Variants in PKMYT1 observed in about 807,000 individuals in gnomAD.
PKMYT1 encodes membrane-associated tyrosine- and threonine-specific cdc2-inhibitory kinase.
Under a neutral mutation model 49.7 loss-of-function variants are expected in PKMYT1, and 35 were observed. The ratio of observed to expected loss-of-function variants is 0.70; its 90% CI spans 0.54 to 0.93. The LOEUF is 0.93. Ranked by LOEUF, PKMYT1 falls within the 40% of genes least tolerant of loss-of-function variation. The pLI is 0.00. For synonymous variants in PKMYT1, 331 were observed against 287.6 expected, an observed-to-expected ratio of 1.15 and a Z score of -1.53; for missense variants, 677 against 673.1, an observed-to-expected ratio of 1.01 and a Z score of -0.06.
rs1347135993 is a variant in PKMYT1, at chr16:2,975,840, C to G, written c.379-28G>C. ...GGAAGGGAGGTGGTACCCACGCACA[C>G]AGTGAGGGTGAGCCACAAGTGGCAC... On this transcript the variant is annotated intron_variant, in intron 3 of 8. Coordinates refer to ENST00000262300, the MANE Select transcript of PKMYT1 (RefSeq NM_004203.5). The G allele has an allele frequency of 3.2e-6, 5 of 1,560,932 alleles. No individual in the cohort carries two copies. The East Asian group carries it at 1.1e-4, about 35-fold the overall frequency.
rs1645557617 is a variant in PKMYT1, at chr16:2,972,884, C to T, written c.*69G>A. 1 of 1,543,464 alleles carries T rather than the reference C, an allele frequency of 6.5e-7. No homozygotes were observed. The highest frequency in any genetic ancestry group is 1.4e-5 in the African/African-American group (1 of 73,784). On this transcript the variant is annotated 3_prime_UTR_variant, in exon 9 of 9. Coordinates refer to ENST00000262300, the MANE Select transcript of PKMYT1 (RefSeq NM_004203.5). ...AAGACCATGGGAGTTCCCGAGGGGC[C>T]CCAGCTTTCAAGGGCGACGGGAGAG...
At position 2,973,027 on chromosome 16, in the gene PKMYT1, G is replaced by A; in HGVS notation, c.1426C>T (p.Pro476Ser). The A allele has an allele frequency of 6.2e-7, 1 of 1,609,602 alleles. No homozygotes were observed. The highest frequency in any genetic ancestry group is 8.5e-7 in the Non-Finnish European group (1 of 1,178,894). Residue 476 changes from proline to serine, a missense_variant, in exon 9 of 9, where the codon CCT (proline) becomes TCT (serine). Physicochemically the swap from Pro to Ser is moderately conservative, Grantham distance 74. Transcript: ENST00000262300. The stretch of plus-strand genomic sequence containing the variant: ...TCAAAGGAGGGGAAGGAGCCCCGAG[G>A]AGGCTCTGAGTTGATGTCACTTAGG... ...LDLSDINSEP[P>S]RGSFPSFEPR...
chr16:2,975,967 C>G (rs1391790976), intron 3 of PKMYT1, 155 bp from the exon 4 acceptor site: 1 of 783,750 alleles, frequency 1.3e-6, no homozygotes, highest in East Asian at 2.7e-5. Flanking sequence ...AGGGTAATAA[C>G]AAAACCAGAC....
At chr16:2,980,088 G>A (rs1438751146) in intron 1 of PKMYT1, 176 bp from the exon 2 acceptor site, 2 of 205,570 alleles carry the variant, frequency 9.7e-6, no homozygotes, top group South Asian at 1.4e-4. Flanking sequence ...GGGCGGGACC[G>A]CCGCTGGGAA....
rs1189101520 is a variant in PKMYT1 at position 2,979,795 on chromosome 16, C to T, written c.-138G>A. On this transcript the variant is annotated 5_prime_UTR_variant, in exon 2 of 9. Transcript: ENST00000262300. Reference sequence around the variant, plus strand: ...CTTCCGGGGCCCTGGGCGATCGGGCCGTCTCGCCTCACCCTCTCACCAGGC... The same window carrying T: ...CTTCCGGGGCCCTGGGCGATCGGGCTGTCTCGCCTCACCCTCTCACCAGGC... 4.6e-5 allele frequency: 44 copies of T among 956,636 alleles called. No individual in the cohort carries two copies. The highest frequency in any genetic ancestry group is 1.6e-4 in the Admixed American group (8 of 49,882). 59.3% of individuals were successfully genotyped at this position (956,636 alleles called of 1,614,324 possible). A position where few individuals can be genotyped will look rare whatever the true frequency, so the allele number is the denominator to read the frequency against.
Position 2,976,796 on chromosome 16 carries a change from C to A in PKMYT1, c.246G>T (p.Val82=), listed in dbSNP as rs1267623520. The change falls in exon 3 of 9, where the codon GTG becomes GTT. Residue 82 remains valine, a synonymous_variant. Coordinates refer to ENST00000262300, the MANE Select transcript of PKMYT1 (RefSeq NM_004203.5). ...TCTCTGAGGCCTCGCCCCGGAATGACACCCGCCGGGGCTGCAGCTGGTGCC... is the reference window on the plus strand; with the variant it reads ...TCTCTGAGGCCTCGCCCCGGAATGAAACCCGCCGGGGCTGCAGCTGGTGCC... ...PGWHQLQPRR[V]SFRGEASETL... 6.3e-7 allele frequency: 1 copy of A among 1,575,164 alleles called. No individual in the cohort carries two copies. Among genetic ancestry groups the A allele is most frequent in the South Asian group, 1.1e-5 (1 of 87,000 alleles).
rs376340331 is a variant in PKMYT1 at position 2,974,309 on chromosome 16, C to G, written c.1088G>C (p.Arg363Pro). 1 of 1,594,860 alleles carries G rather than the reference C, an allele frequency of 6.3e-7. No individual in the cohort carries two copies. The highest frequency in any genetic ancestry group is 1.1e-5 in the South Asian group (1 of 88,616). ...CATGCACCACAGCACACCCCAGGCC[C>G]GCGGCTGCCTCAACACAGGCAGTGC... ...LLALPVLRQP[R>P]AWGVLWCMAA... The change falls in exon 6 of 9, where the codon CGG (arginine) becomes CCG (proline). Residue 363 changes from arginine to proline, a missense_variant. Transcript: ENST00000262300.
rs1335076819 is a variant in PKMYT1, at chr16:2,973,615, C to G, written c.1310+385G>C. 4 of 475,960 alleles carry G rather than the reference C, an allele frequency of 8.4e-6. No homozygotes were observed. In the Admixed American group the frequency reaches 1.4e-4, roughly 17 times the overall value. The allele number at this position is 475,960 out of a possible 1,614,324, so 29.5% of individuals were successfully genotyped here. A position where few individuals can be genotyped will look rare whatever the true frequency, so the allele number is the denominator to read the frequency against. On this transcript the variant is annotated intron_variant, in intron 7 of 8. Transcript: ENST00000262300. ...GCGTGTGGTTTCCTAATTACAGCCT[C>G]TCACTCAAGACACCAGGCCCCAGGG...
In PKMYT1 at chr16:2,980,295, C is replaced by G. The variant is rs2072307891; in HGVS notation, c.-265G>C. 6.6e-6 allele frequency: 1 copy of G among 152,286 alleles called. No individual in the cohort carries two copies. The highest frequency in any genetic ancestry group is 1.5e-5 in the Non-Finnish European group (1 of 68,124). The allele number at this position is 152,286 out of a possible 1,614,324, so 9.4% of individuals were successfully genotyped here. A position where few individuals can be genotyped will look rare whatever the true frequency, so the allele number is the denominator to read the frequency against. ...CGGGGTCTGGGCTCACCTGGGGCGA[C>G]TGGGCGGGGCGCGGGTCCGCGAGGG... On this transcript the variant is annotated 5_prime_UTR_variant, in exon 1 of 9. Transcript: ENST00000262300.
At chr16:2,973,494 G>C (rs1229998918) in intron 7 of PKMYT1, 2 of 1,441,498 alleles carry the variant, frequency 1.4e-6, no homozygotes, top group South Asian at 2.5e-5. Context: ...AGCCTTTCTG[G>C]AACTTCTTGT....
chr16:2,973,485 G>C, intron 7 of PKMYT1: 1 of 1,470,082 alleles, frequency 6.8e-7, no homozygotes, highest in Non-Finnish European at 9.1e-7. Context: ...GTAAATGTAA[G>C]CCTTTCTGGA....
chr16:2,979,741 C>G lies in PKMYT1; in HGVS notation c.-84G>C, dbSNP rs2072292355. The G allele has an allele frequency of 2.5e-6, 4 of 1,594,276 alleles. No homozygotes were observed. The highest frequency in any genetic ancestry group is 1.7e-5 in the Admixed American group (1 of 59,382). The stretch of plus-strand genomic sequence containing the variant: ...CACGTGAATCCAGGGTGTCCCTGAG[C>G]TAAGGCCAGGCGGGGGTGACCTCCG... On this transcript the variant is annotated 5_prime_UTR_variant, in exon 2 of 9. Transcript: ENST00000262300.
rs1376733688 is a variant in PKMYT1 at position 2,973,543 on chromosome 16, G to A, written c.1311-328C>T. 6.9e-6 allele frequency: 7 copies of A among 1,020,020 alleles called. No individual in the cohort carries two copies. The Admixed American group carries it at 7.6e-5, about 11-fold the overall frequency. The allele number at this position is 1,020,020 out of a possible 1,614,324, so 63.2% of individuals were successfully genotyped here. On this transcript the variant is annotated intron_variant, in intron 7 of 8. Coordinates refer to ENST00000262300, the MANE Select transcript of PKMYT1 (RefSeq NM_004203.5). ...CCCCGAGGGATGAGGTGATGTGTTT[G>A]TAAGGAAGGGGCTAACGGCAGAGTC...
chr16:2,974,214 G>A (rs922370286), intron 6 of PKMYT1, 31 bp downstream of exon 6: 1 of 1,556,138 alleles, frequency 6.4e-7, no homozygotes, highest in Non-Finnish European at 8.7e-7. Flanking sequence ...CTGGGGAGCA[G>A]GGCAGGCAGC....
At chr16:2,973,422 T>C in intron 7 of PKMYT1, 17 of 1,532,868 alleles carry the variant, frequency 1.1e-5, no homozygotes, top group Non-Finnish European at 1.5e-5. Context: ...CAAGGCCCCC[T>C]CTGTCCTTTT....
intron 2 of PKMYT1, chr16:2,977,517 G>C (rs2072231475): frequency 1.0e-6 from 1 of 989,150 alleles, no homozygotes; most frequent in Non-Finnish European, 1.2e-6. Context: ...TCCACTTCCA[G>C]AATGGCAGTG....
At chr16:2,973,823 A>T (rs1332271905) in intron 7 of PKMYT1, 177 bp downstream of exon 7, 2 of 738,452 alleles carry the variant, frequency 2.7e-6, no homozygotes, top group Non-Finnish European at 4.5e-6. Flanking sequence ...GCCAGTCCAC[A>T]TGCCCAGCTG....
Position 2,973,158 on chromosome 16 carries a change from G to T in PKMYT1, c.1368C>A (p.Pro456=). 6.5e-7 allele frequency: 1 copy of T among 1,540,040 alleles called. No homozygotes were observed. ...CTTACCTGGGTGTGCACCTGCTCCG[G>T]GGGGTGGAGGTGCTCCCCACAGTCC... ...LARTVGSTST[P]RSRCTPRDAL... is the part of the protein sequence containing the mutation. Residue 456 remains proline (P), a synonymous_variant, in exon 8 of 9, where the codon CCC becomes CCA. Transcript: ENST00000262300.
At chr16:2,976,369 G>T (rs893820054) in intron 3 of PKMYT1, among the ~76,000 whole-genome samples, 1 of 152,108 alleles carries the variant, frequency 6.6e-6, no homozygotes, top group African/African-American at 2.4e-5. Context: ...GGGCCGACTC[G>T]CCAAGGACGC....
Sources: allele counts gnomAD v4.1 joint callset (sites outside exome capture counted in the v4.1 genomes callset), GRCh38; gene constraint gnomAD v4.1.1; transcripts MANE v1.5; gene names NCBI Gene and HGNC (gene_info 2026-07-23, HGNC 2026-07-21).